The following PDZRN3 variants were observed in gnomAD, a reference collection of about 807,000 sequenced individuals.
PDZRN3 encodes the protein E3 ubiquitin-protein ligase PDZRN3.
In PDZRN3, 38 loss-of-function variants were observed where a neutral mutation model predicts 85.7. The ratio of observed to expected loss-of-function variants is 0.44; its 90% CI spans 0.34 to 0.58. The LOEUF (loss-of-function observed/expected upper bound fraction) is 0.58. Ranked by LOEUF, PDZRN3 falls within the 20% of genes least tolerant of loss-of-function variation. The probability of loss-of-function intolerance (pLI) is 0.01; values close to 1 mark genes in which losing one functional copy is unlikely to be tolerated. For missense variants in PDZRN3, 1,629 were observed against 1,506.4 expected, an observed-to-expected ratio of 1.08 and a Z score of -1.35; for synonymous variants, 759 against 638.0, an observed-to-expected ratio of 1.19 and a Z score of -2.86.
At chr3:73,597,959 G>A (rs1005403983) in intron 3 of PDZRN3, among the ~76,000 whole-genome samples, 1 of 152,016 alleles carries the variant, frequency 6.6e-6, no homozygotes, top group African/African-American at 2.4e-5. Flanking sequence ...CCAGCTGGCT[G>A]GACTTACGAA....
chr3:73,575,955 G>A (rs1311011934), intron 3 of PDZRN3, among the ~76,000 whole-genome samples: 2 of 152,130 alleles, frequency 1.3e-5, no homozygotes, highest in African/African-American at 4.8e-5. Flanking sequence ...AAATATCATA[G>A]AAAGAGAGAC....
chr3:73,383,109 A>C lies in PDZRN3; in HGVS notation c.*256T>G, dbSNP rs1247807925. The C allele has an allele frequency of 2.5e-6, 1 of 405,716 alleles. No individual in the cohort carries two copies. The highest frequency in any genetic ancestry group is 4.3e-6 in the Non-Finnish European group (1 of 230,186). The allele number at this position is 405,716 out of a possible 1,614,324, so 25.1% of individuals were successfully genotyped here. A position where few individuals can be genotyped will look rare whatever the true frequency, so the allele number is the denominator to read the frequency against. On this transcript the variant is annotated 3_prime_UTR_variant, in exon 10 of 10. Coordinates refer to ENST00000263666, the MANE Select transcript of PDZRN3 (RefSeq NM_015009.3). Reference sequence around the variant, plus strand: ...ATTTAAACACTTTATGTAAAAGGGTACAGGTAGAAAAGTACAATTGCTATT... The same window carrying C: ...ATTTAAACACTTTATGTAAAAGGGTCCAGGTAGAAAAGTACAATTGCTATT...
At chr3:73,436,680 C>T (rs1239827275) in intron 3 of PDZRN3, among the ~76,000 whole-genome samples, 1 of 152,156 alleles carries the variant, frequency 6.6e-6, no homozygotes, top group Non-Finnish European at 1.5e-5. Flanking sequence ...GACAGTTTTA[C>T]TGCATATGGC....
intron 3 of PDZRN3, among the ~76,000 whole-genome samples, chr3:73,442,097 A>C (rs1702649619): frequency 6.6e-6 from 1 of 152,128 alleles, no homozygotes; most frequent in Non-Finnish European, 1.5e-5. Flanking sequence ...TGGCTCTGTG[A>C]TCTGGGCCAG....
chr3:73,608,359 C>T (rs560800471), intron 2 of PDZRN3, among the ~76,000 whole-genome samples: 32 of 151,814 alleles, frequency 2.1e-4, no homozygotes, highest in Admixed American at 2.0e-3. Flanking sequence ...AAAAGAAATG[C>T]ACCCCCAAAA....
At chr3:73,488,981 C>T (rs543185707) in intron 3 of PDZRN3, among the ~76,000 whole-genome samples, 6 of 152,226 alleles carry the variant, frequency 3.9e-5, no homozygotes, top group South Asian at 4.2e-4. Flanking sequence ...ACAGTGTGTT[C>T]GATAGGCCTA....
intron 3 of PDZRN3, among the ~76,000 whole-genome samples, chr3:73,544,973 A>G (rs1361340930): frequency 6.6e-6 from 1 of 152,226 alleles, no homozygotes; most frequent in Non-Finnish European, 1.5e-5. Flanking sequence ...GCACACATAT[A>G]TACAAATAAC....
chr3:73,543,004 C>A (rs1422505165), intron 3 of PDZRN3, among the ~76,000 whole-genome samples: 2 of 152,190 alleles, frequency 1.3e-5, no homozygotes, highest in Non-Finnish European at 2.9e-5. Flanking sequence ...GGACACTCCA[C>A]ACTCTATTTG....
At chr3:73,432,176 G>C (rs917115165) in intron 3 of PDZRN3, among the ~76,000 whole-genome samples, 1 of 152,138 alleles carries the variant, frequency 6.6e-6, no homozygotes, top group Non-Finnish European at 1.5e-5. Context: ...TCCTGCCTGC[G>C]TGCTGGACTC....
chr3:73,526,494 G>A (rs1009124989), intron 3 of PDZRN3, among the ~76,000 whole-genome samples: 9 of 152,086 alleles, frequency 5.9e-5, no homozygotes, highest in African/African-American at 1.2e-4. Context: ...CTCCTGTCAG[G>A]TTTTCACATC....
At position 73,384,567 on chromosome 3, in the gene PDZRN3, G is replaced by A; in HGVS notation, c.1999C>T (p.Pro667Ser). 6.2e-7 allele frequency: 1 copy of A among 1,613,690 alleles called. No homozygotes were observed. The highest frequency in any genetic ancestry group is 8.5e-7 in the Non-Finnish European group (1 of 1,180,032). Residue 667 changes from proline (P) to serine (S), a missense_variant, in exon 10 of 10, where the codon CCT becomes TCT. Coordinates refer to ENST00000263666, the MANE Select transcript of PDZRN3 (RefSeq NM_015009.3). ...TTGCCGGCGTCCAGGGGGCCGCTAGGGTAGTACAGGCCGTAAGGGGTGGCG... is the reference window on the plus strand; with the variant it reads ...TTGCCGGCGTCCAGGGGGCCGCTAGAGTAGTACAGGCCGTAAGGGGTGGCG... Reference protein sequence around the residue: ...KSATPYGLYYPSGPLDAGKSD... With the variant: ...KSATPYGLYYSSGPLDAGKSD...
intron 3 of PDZRN3, among the ~76,000 whole-genome samples, chr3:73,529,724 T>C (rs186391173): frequency 6.6e-6 from 1 of 152,374 alleles, no homozygotes; most frequent in African/African-American, 2.4e-5. Context: ...AGTGCCTGTG[T>C]CCAACTACAT....
chr3:73,437,306 T>C (rs1702549370), intron 3 of PDZRN3, among the ~76,000 whole-genome samples: 1 of 152,248 alleles, frequency 6.6e-6, no homozygotes, highest in African/African-American at 2.4e-5. Context: ...GCTAGTGTAA[T>C]TGAAGATAGC....
intron 3 of PDZRN3, among the ~76,000 whole-genome samples, chr3:73,578,923 T>G (rs551501320): frequency 6.6e-6 from 1 of 152,334 alleles, no homozygotes; most frequent in East Asian, 1.9e-4. Context: ...CAGTTCCTCT[T>G]AGCCGGTCCC....
chr3:73,551,033 T>C (rs140502108), intron 3 of PDZRN3, among the ~76,000 whole-genome samples: 4 of 152,184 alleles, frequency 2.6e-5, no homozygotes, highest in African/African-American at 9.7e-5. Context: ...GTGTTTGAAA[T>C]TGTAAAAACT....
intron 3 of PDZRN3, among the ~76,000 whole-genome samples, chr3:73,517,510 G>T (rs1704277038): frequency 6.6e-6 from 1 of 152,172 alleles, no homozygotes; most frequent in African/African-American, 2.4e-5. Flanking sequence ...TCACAGCGAG[G>T]CTTAGGCCCC....
intron 3 of PDZRN3, among the ~76,000 whole-genome samples, chr3:73,459,647 C>T (rs543371813): frequency 1.9e-4 from 29 of 152,054 alleles, no homozygotes; most frequent in Non-Finnish European, 3.5e-4. Context: ...AGGATAATGC[C>T]CCCCAACTCG....
At chr3:73,582,592 G>A (rs1702217373) in intron 3 of PDZRN3, among the ~76,000 whole-genome samples, 1 of 152,042 alleles carries the variant, frequency 6.6e-6, no homozygotes, top group Non-Finnish European at 1.5e-5. Context: ...TTCACTCGAA[G>A]AGGCTCCAAC....
At chr3:73,610,949 C>T (rs1244256965) in intron 1 of PDZRN3, among the ~76,000 whole-genome samples, 1 of 152,166 alleles carries the variant, frequency 6.6e-6, no homozygotes, top group Non-Finnish European at 1.5e-5. Flanking sequence ...TCCAACCAAT[C>T]TTAAAAATTG....
Sources: gnomAD v4.1 joint callset for allele counts (sites outside exome capture counted in the v4.1 genomes callset) on GRCh38, gnomAD v4.1.1 for gene constraint, MANE v1.5 for transcripts, NCBI Gene and HGNC (gene_info 2026-07-23, HGNC 2026-07-21) for gene names.